The following AHRR variants were observed in gnomAD, a reference collection of about 807,000 sequenced individuals.
AHRR encodes the protein ahR repressor.
Under a neutral mutation model 44.0 loss-of-function variants are expected in AHRR, and 28 were observed. That is an observed-to-expected ratio of 0.64 (90% CI 0.47 to 0.87). The LOEUF is 0.87. Ranked by LOEUF, AHRR falls within the 40% of genes least tolerant of loss-of-function variation. The pLI is 0.00. For missense variants in AHRR, 990 were observed against 953.9 expected (o/e 1.04, Z -0.50); for synonymous variants, 434 against 407.0 (o/e 1.07, Z -0.80).
chr5:375,363 G>C (rs1743742805), intron 3 of AHRR, among the ~76,000 whole-genome samples: 2 of 152,202 alleles, frequency 1.3e-5, no homozygotes, highest in Admixed American at 1.3e-4. Flanking sequence ...CAGTGGGGTG[G>C]AGGCAGCCAG....
intron 3 of AHRR, among the ~76,000 whole-genome samples, chr5:361,311 G>C (rs1442097917): frequency 6.6e-6 from 1 of 152,222 alleles, no homozygotes; most frequent in Non-Finnish European, 1.5e-5. Context: ...GACTGGGTGT[G>C]AGCCAGGAGC....
chr5:342,873 C>T lies in AHRR; in HGVS notation c.-10-1020C>T, dbSNP rs918100909. ...ATACTGGGCTGCTCCTCAGGGGCCCCGCTGGGAGGCACATGCCTGTGTCCA... is the reference window on the plus strand; with the variant it reads ...ATACTGGGCTGCTCCTCAGGGGCCCTGCTGGGAGGCACATGCCTGTGTCCA... On this transcript the variant is annotated intron_variant, in intron 1 of 10. Coordinates refer to ENST00000684583, the MANE Select transcript of AHRR (RefSeq NM_001377236.1). This position sits in a 1 kb window ranked among gnomAD's most constrained non-coding sequence, Gnocchi z 4.3. Among the ~76,000 whole-genome samples the T allele has an allele frequency of 3.9e-5, 6 of 152,208 alleles. No homozygotes were observed. The highest frequency in any genetic ancestry group is 1.9e-4 in the East Asian group (1 of 5,200).
Position 435,193 on chromosome 5 carries a change from C to T in AHRR, c.*359C>T, listed in dbSNP as rs750420916. Reference sequence around the variant, plus strand: ...AGTCCACAGTCGGGGATGAAGCAGTCGGGTGATGCTCCCAAGTCCGCAGTC... The same window carrying T: ...AGTCCACAGTCGGGGATGAAGCAGTTGGGTGATGCTCCCAAGTCCGCAGTC... On this transcript the variant is annotated 3_prime_UTR_variant, in exon 11 of 11. Coordinates refer to ENST00000684583, the MANE Select transcript of AHRR (RefSeq NM_001377236.1). 39 of 228,450 alleles carry T rather than the reference C, an allele frequency of 1.7e-4. No homozygotes were observed. The highest frequency in any genetic ancestry group is 2.5e-4 in the Non-Finnish European group (30 of 121,496). 14.2% of individuals were successfully genotyped at this position (228,450 alleles called of 1,614,324 possible).
chr5:365,232 A>G lies in AHRR; in HGVS notation c.244+11321A>G, dbSNP rs570532120. ...CAAAGCCCGCATGGAACTGGTAAAT[A>G]TATGGAAAACTTACTGGCCAATAAA... On this transcript the variant is annotated intron_variant, in intron 3 of 10. Transcript: ENST00000684583. Among the ~76,000 whole-genome samples, 6 of 152,348 alleles carry G rather than the reference A, an allele frequency of 3.9e-5. No homozygotes were observed. In the East Asian group the frequency reaches 1.2e-3, roughly 29 times the overall value.
chr5:352,060 C>T (rs190456119), intron 2 of AHRR, among the ~76,000 whole-genome samples: 26 of 152,392 alleles, frequency 1.7e-4, no homozygotes, highest in African/African-American at 6.0e-4. Context: ...TAACTGGCCC[C>T]TGCTCAGTCT....
intron 3 of AHRR, among the ~76,000 whole-genome samples, chr5:368,707 G>A (rs1579630375): frequency 6.6e-6 from 1 of 152,226 alleles, no homozygotes; most frequent in African/African-American, 2.4e-5. Context: ...TCTGGTGACC[G>A]CAGAGCCCCC....
chr5:369,635 G>A (rs986213615), intron 3 of AHRR, among the ~76,000 whole-genome samples: 15 of 152,182 alleles, frequency 9.9e-5, no homozygotes, highest in Admixed American at 6.5e-4. Flanking sequence ...CTTGTCCCAC[G>A]CTCTGGCACA....
intron 3 of AHRR, among the ~76,000 whole-genome samples, chr5:354,670 G>A: frequency 6.6e-6 from 1 of 152,194 alleles, no homozygotes; most frequent in Non-Finnish European, 1.5e-5. Context: ...GTTGGGTGAC[G>A]TGCCTGCACG....
In AHRR at chr5:427,180, G is replaced by A. The variant is rs933680436; in HGVS notation, c.709-627G>A. Among the ~76,000 whole-genome samples, 24 of 152,190 alleles carry A rather than the reference G, an allele frequency of 1.6e-4. 1 individual carries two copies. Among genetic ancestry groups the A allele is most frequent in the Admixed American group, 1.2e-3 (19 of 15,280 alleles). ...ATTGTGGGGTGATTCTTCCATACAA[G>A]GCAGGAGTACCCCTGAAGGCCCTTG... On this transcript the variant is annotated intron_variant, in intron 7 of 10. Coordinates refer to ENST00000684583, the MANE Select transcript of AHRR (RefSeq NM_001377236.1).
At chr5:389,005 C>G (rs1192715760) in intron 4 of AHRR, among the ~76,000 whole-genome samples, 1 of 152,084 alleles carries the variant, frequency 6.6e-6, no homozygotes, top group Non-Finnish European at 1.5e-5. Context: ...GGCTGGGGCT[C>G]AGGGCTGTCC....
rs770201625 is a variant in AHRR, at chr5:434,401, G to A, written c.1661G>A (p.Trp554Ter). The A allele has an allele frequency of 6.2e-7, 1 of 1,613,346 alleles. No homozygotes were observed. Among genetic ancestry groups the A allele is most frequent in the Non-Finnish European group, 8.5e-7 (1 of 1,179,960 alleles). ...AADGCVPSQV[W>*]LGASDRSHPA... is the part of the protein sequence containing the mutation. ...GACGGCTGTGTGCCCAGCCAGGTGT[G>A]GCTGGGGGCCAGTGACAGGAGCCAC... Residue 554 changes from tryptophan to a stop codon, truncating the protein, a stop_gained, in exon 11 of 11, where the codon TGG becomes TAG. Coordinates refer to ENST00000684583, the MANE Select transcript of AHRR (RefSeq NM_001377236.1). LOFTEE classifies it low-confidence loss of function (END_TRUNC).
At chr5:428,044 G>A (rs1212145618) in intron 8 of AHRR, 38 bp downstream of exon 8, 2 of 1,582,986 alleles carry the variant, frequency 1.3e-6, no homozygotes, top group African/African-American at 2.7e-5. Context: ...CATGGTGCCT[G>A]CTGGCGGCCC....
In AHRR at chr5:434,437, T is replaced by G. The variant is rs1295796450; in HGVS notation, c.1697T>G (p.Phe566Cys). The change falls in exon 11 of 11, where the codon TTC (phenylalanine) becomes TGC (cysteine). Residue 566 changes from phenylalanine to cysteine, a missense_variant. Coordinates refer to ENST00000684583, the MANE Select transcript of AHRR (RefSeq NM_001377236.1). ...GASDRSHPAT[F>C]PTRMHLKTEP... ...AGTGACAGGAGCCACCCAGCCACCT[T>G]CCCTACCAGGATGCACCTGAAAACA... 6.2e-7 allele frequency: 1 copy of G among 1,613,346 alleles called. No individual in the cohort carries two copies. The highest frequency in any genetic ancestry group is 8.5e-7 in the Non-Finnish European group (1 of 1,179,950).
rs1201958167 is a variant in AHRR at position 419,652 on chromosome 5, A to G, written c.442-3077A>G. On this transcript the variant is annotated intron_variant, in intron 5 of 10. Coordinates refer to ENST00000684583, the MANE Select transcript of AHRR (RefSeq NM_001377236.1). This position sits in a 1 kb window ranked among gnomAD's most constrained non-coding sequence, Gnocchi z 4.4. ...AGCCATATTTCCCATTGTCCTGGCA[A>G]AGCCGGGGCCCTCCATGGTGCCCGG... Among the ~76,000 whole-genome samples the G allele has an allele frequency of 6.6e-6, 1 of 152,054 alleles. No individual in the cohort carries two copies. Among genetic ancestry groups the G allele is most frequent in the African/African-American group, 2.4e-5 (1 of 41,402 alleles).
chr5:353,792 C>G lies in AHRR; in HGVS notation c.125C>G (p.Ala42Gly), dbSNP rs769242334. The G allele has an allele frequency of 6.2e-7, 1 of 1,613,878 alleles. No homozygotes were observed. Among genetic ancestry groups the G allele is most frequent in the Non-Finnish European group, 8.5e-7 (1 of 1,179,998 alleles). The change falls in exon 3 of 11, where the codon GCC becomes GGC. Residue 42 changes from alanine (A) to glycine (G), a missense_variant. By Grantham distance (60) the Ala-to-Gly change is moderately conservative. Transcript: ENST00000684583. ...PSKRHRDRLN[A>G]ELDHLASLLP... Reference sequence around the variant, plus strand: ...AAGCGACACCGGGACCGCCTCAACGCCGAGTTGGACCACCTGGCCAGCCTG... The same window carrying G: ...AAGCGACACCGGGACCGCCTCAACGGCGAGTTGGACCACCTGGCCAGCCTG...
chr5:415,731 C>CCGAATCTGCCTGG (rs1579689950), intron 5 of AHRR, among the ~76,000 whole-genome samples: 10 of 152,084 alleles, frequency 6.6e-5, no homozygotes, highest in East Asian at 1.9e-4. Flanking sequence ...GGCCTAGGGG[C>CCGAATCTGCCTGG]TGTGCAGAGC....
At chr5:374,688 ACC>A (rs1263406581) in intron 3 of AHRR, among the ~76,000 whole-genome samples, 1 of 152,188 alleles carries the variant, frequency 6.6e-6, no homozygotes, top group East Asian at 1.9e-4. Flanking sequence ...TCCCAAGGCC[ACC>A]CGGTGCCACC....
intron 5 of AHRR, among the ~76,000 whole-genome samples, chr5:417,778 G>A (rs1412029783): frequency 6.6e-6 from 1 of 152,138 alleles, no homozygotes; most frequent in Non-Finnish European, 1.5e-5. Context: ...GGTTCCAAAT[G>A]CCATTAAATC....
intron 1 of AHRR, among the ~76,000 whole-genome samples, chr5:325,940 G>A (rs1226628791): frequency 2.0e-5 from 3 of 152,016 alleles, no homozygotes; most frequent in Non-Finnish European, 4.4e-5. Flanking sequence ...CAGCCACCAC[G>A]CCTGGCTAAT....
Sources: allele counts gnomAD v4.1 joint callset (sites outside exome capture counted in the v4.1 genomes callset), GRCh38; gene constraint gnomAD v4.1.1; non-coding constraint Gnocchi (gnomAD v3.1); transcripts MANE v1.5; gene names NCBI Gene and HGNC (gene_info 2026-07-23, HGNC 2026-07-21).